The following CEP170 variants were observed in gnomAD, a reference collection of about 807,000 sequenced individuals.
CEP170 encodes the protein centrosomal protein 170.
In CEP170, 21 loss-of-function variants were observed where a neutral mutation model predicts 151.9. That is an observed-to-expected ratio of 0.14 (90% confidence interval 0.10 to 0.20). The LOEUF is 0.20. Among genes scored for constraint, CEP170 ranks in the 10% least tolerant of loss-of-function variants. CEP170 has a pLI of 1.00. For synonymous variants in CEP170, 356 were observed against 648.8 expected (o/e 0.55, Z 6.86); for missense variants, 964 against 1,892.9 (o/e 0.51, Z 9.11).
intron 13 of CEP170, chr1:243,163,484 C>T (rs576858954): frequency 1.3e-5 from 2 of 152,304 alleles, no homozygotes; most frequent in African/African-American, 4.8e-5. Context: ...AGCACATAAG[C>T]AAACAAATAT....
rs1238912879 is a variant in CEP170 at position 243,178,869 on chromosome 1, C to T, written c.1567-6023G>A. The stretch of plus-strand genomic sequence containing the variant: ...GAGTAGCTGGGATTGCAGGCTCATG[C>T]CCCATGCCCTGCTGTTTTTTTTGTA... On this transcript the variant is annotated intron_variant, in intron 10 of 19. Transcript: ENST00000366542. Among the ~76,000 whole-genome samples, 3 of 152,166 alleles carry T rather than the reference C, an allele frequency of 2.0e-5. No individual in the cohort carries two copies. In the East Asian group the frequency reaches 5.8e-4, roughly 30 times the overall value.
At chr1:243,163,174 T>G (rs893597283) in intron 13 of CEP170, 1 of 152,200 alleles carries the variant, frequency 6.6e-6, no homozygotes, top group African/African-American at 2.4e-5. Context: ...TTTAGGGTCT[T>G]GTAGGAGATG....
intron 16 of CEP170, among the ~76,000 whole-genome samples, chr1:243,137,861 G>A (rs2787242): frequency 1.3e-5 from 2 of 151,894 alleles, no homozygotes; most frequent in Non-Finnish European, 2.9e-5. Context: ...ATGGAAAAAC[G>A]TGAACTAACT....
Position 243,157,992 on chromosome 1 carries a change from T to C in CEP170, c.3677-1537A>G, listed in dbSNP as rs184726827. On this transcript the variant is annotated intron_variant, in intron 13 of 19. Transcript: ENST00000366542. ...CTAGGTAATTAGTCATAGACCTTTT[T>C]TGAGGAGCTTAAATATAATTTCTGA... Among the ~76,000 whole-genome samples the C allele has an allele frequency of 6.6e-3, 998 of 152,304 alleles. 11 individuals are homozygous for C. Among genetic ancestry groups the C allele is most frequent in the Middle Eastern group, 0.01 (3 of 294 alleles).
intron 1 of CEP170, among the ~76,000 whole-genome samples, chr1:243,241,761 G>C (rs921354385): frequency 2.0e-5 from 3 of 150,522 alleles, no homozygotes; most frequent in Non-Finnish European, 4.4e-5. Context: ...CTGCACTCCA[G>C]CCTGGACAAC....
intron 17 of CEP170, among the ~76,000 whole-genome samples, chr1:243,129,762 T>A: frequency 6.6e-6 from 1 of 152,214 alleles, no homozygotes; most frequent in Middle Eastern, 3.4e-3. Context: ...TAATTTACAA[T>A]ACAGTAATGC....
chr1:243,220,981 C>CAG (rs2062747679), intron 3 of CEP170, among the ~76,000 whole-genome samples: 1 of 152,286 alleles, frequency 6.6e-6, no homozygotes, highest in Admixed American at 6.5e-5. Context: ...TTTACCCTAG[C>CAG]AGAGAAAGTT....
At chr1:243,175,598 C>T (rs1216151492) in intron 10 of CEP170, among the ~76,000 whole-genome samples, 2 of 152,170 alleles carry the variant, frequency 1.3e-5, no homozygotes, top group African/African-American at 2.4e-5. Flanking sequence ...TACCTACAGT[C>T]TGAAAAAAGA....
At chr1:243,145,045 CTT>C (rs556240899) in intron 14 of CEP170, among the ~76,000 whole-genome samples, 258 of 151,468 alleles carry the variant, frequency 1.7e-3, no homozygotes, top group African/African-American at 6.0e-3. Context: ...AGTCATAACA[CTT>C]TTTTTTCACT....
chr1:243,239,842 A>C (rs149165533), intron 1 of CEP170, among the ~76,000 whole-genome samples: 1 of 152,340 alleles, frequency 6.6e-6, no homozygotes, highest in East Asian at 1.9e-4. Context: ...TAAAGTGGCT[A>C]TTACTTAGTA....
At chr1:243,131,683 C>A (rs372635138) in intron 17 of CEP170, among the ~76,000 whole-genome samples, 2 of 151,870 alleles carry the variant, frequency 1.3e-5, no homozygotes, top group East Asian at 3.9e-4. Context: ...GCTATAATGA[C>A]CAGAACTTGT....
At chr1:243,233,751 T>C (rs868378799) in intron 1 of CEP170, among the ~76,000 whole-genome samples, 3 of 112,626 alleles carry the variant, frequency 2.7e-5, no homozygotes, top group South Asian at 2.6e-4. Context: ...AATATATATA[T>C]ATATATATAT....
At chr1:243,223,053 G>T (rs2062952649) in intron 2 of CEP170, among the ~76,000 whole-genome samples, 1 of 152,170 alleles carries the variant, frequency 6.6e-6, no homozygotes, top group South Asian at 2.1e-4. Context: ...ACTAAATTCA[G>T]TTCTTAAGTT....
rs754527611 is a variant in CEP170 at position 243,156,380 on chromosome 1, G to A, written c.3752C>T (p.Ser1251Phe). 1.8e-5 allele frequency: 28 copies of A among 1,562,414 alleles called. No homozygotes were observed. Among genetic ancestry groups the A allele is most frequent in the Non-Finnish European group, 2.3e-5 (26 of 1,153,150 alleles). ...SEDEFGSNRN[S>F]PKHTRLRTSP... ...AGTACGTAGACGGGTATGTTTAGGG[G>A]AATTACGGTTTGATCCAAATTCATC... is the stretch of plus-strand genomic sequence containing the variant. Residue 1251 changes from serine to phenylalanine, a missense_variant, in exon 14 of 20, where the codon TCC becomes TTC. Coordinates refer to ENST00000366542, the MANE Select transcript of CEP170 (RefSeq NM_014812.3).
At chr1:243,221,843 T>G (rs2062844082) in intron 2 of CEP170, 30 bp from the exon 3 acceptor site, 1 of 1,571,780 alleles carries the variant, frequency 6.4e-7, no homozygotes, top group Non-Finnish European at 8.6e-7. Context: ...TTAATAAATA[T>G]AAGAAAATAC....
At chr1:243,215,942 A>G (rs1258650609) in intron 3 of CEP170, among the ~76,000 whole-genome samples, 1 of 151,988 alleles carries the variant, frequency 6.6e-6, no homozygotes, top group Non-Finnish European at 1.5e-5. Context: ...ACCAGCTGAC[A>G]CTTAGGGAAA....
At chr1:243,205,635 C>T (rs2061365497) in intron 4 of CEP170, among the ~76,000 whole-genome samples, 1 of 152,144 alleles carries the variant, frequency 6.6e-6, no homozygotes, top group Non-Finnish European at 1.5e-5. Flanking sequence ...AAAGGAAAGA[C>T]TCAAAGTGAT....
At chr1:243,131,413 G>A (rs1260459240) in intron 17 of CEP170, among the ~76,000 whole-genome samples, 1 of 151,956 alleles carries the variant, frequency 6.6e-6, no homozygotes, top group Admixed American at 6.6e-5. Context: ...GATTGCTTGT[G>A]CCCAGGGAGG....
intron 1 of CEP170, among the ~76,000 whole-genome samples, chr1:243,243,423 C>G (rs1202999413): frequency 6.6e-6 from 1 of 152,104 alleles, no homozygotes; most frequent in African/African-American, 2.4e-5. Flanking sequence ...ACCTCTAGAT[C>G]AGAGAAACAA....
Sources: allele counts gnomAD v4.1 joint callset (sites outside exome capture counted in the v4.1 genomes callset), GRCh38; gene constraint gnomAD v4.1.1; transcripts MANE v1.5; gene names NCBI Gene and HGNC (gene_info 2026-07-23, HGNC 2026-07-21).